The following BCHE variants were observed in gnomAD, a reference collection of about 807,000 sequenced individuals.
BCHE encodes the protein butyrylcholinesterase.
Under a neutral mutation model 51.3 loss-of-function variants are expected in BCHE, and 48 were observed. The ratio of observed to expected loss-of-function variants is 0.94; its 90% CI spans 0.74 to 1.19. The LOEUF is 1.19. Among genes scored for constraint, BCHE ranks in the 50% most tolerant of loss-of-function variants. The pLI, the probability that BCHE is intolerant of heterozygous loss-of-function variation, is 0.00. For missense variants in BCHE, 847 were observed against 708.2 expected, an observed-to-expected ratio of 1.20 and a Z score of -2.23; for synonymous variants, 251 against 238.0, an observed-to-expected ratio of 1.05 and a Z score of -0.50.
intron 1 of BCHE, among the ~76,000 whole-genome samples, chr3:165,833,537 GACC>G (rs1211618780): frequency 6.6e-6 from 1 of 152,080 alleles, no homozygotes; most frequent in Non-Finnish European, 1.5e-5. Flanking sequence ...AATTGTATAA[GACC>G]ACCATTATTG....
At chr3:165,806,020 C>T (rs1194673696) in intron 2 of BCHE, among the ~76,000 whole-genome samples, 3 of 152,114 alleles carry the variant, frequency 2.0e-5, no homozygotes, top group Admixed American at 1.3e-4. Flanking sequence ...TGGAACACGA[C>T]CATGTGTCTC....
intron 3 of BCHE, among the ~76,000 whole-genome samples, chr3:165,776,286 A>C (rs1712468197): frequency 6.6e-6 from 1 of 152,006 alleles, no homozygotes; most frequent in Non-Finnish European, 1.5e-5. Context: ...AACCTCAACC[A>C]AAATGCAGGC....
At chr3:165,778,483 A>G (rs887033197) in intron 3 of BCHE, 4 of 219,896 alleles carry the variant, frequency 1.8e-5, no homozygotes, top group Admixed American at 4.2e-5. Context: ...AAATTACTAA[A>G]TGGCTTTACT....
chr3:165,779,517 C>T (rs1406171606), intron 3 of BCHE, among the ~76,000 whole-genome samples: 1 of 151,948 alleles, frequency 6.6e-6, no homozygotes, highest in African/African-American at 2.4e-5. Context: ...TTTAGGAAAC[C>T]CCATCGTCTT....
chr3:165,825,813 G>C lies in BCHE; in HGVS notation c.1517+3704C>G, dbSNP rs915161653. Among the ~76,000 whole-genome samples the C allele has an allele frequency of 7.2e-5, 11 of 152,026 alleles. 1 individual carries two copies. The highest frequency in any genetic ancestry group is 7.2e-4 in the Admixed American group (11 of 15,232). ...TATAAGAATTCTTACAAGTCAATGA[G>C]AGATAAACCCAATAAAAATTGGCAA... On this transcript the variant is annotated intron_variant, in intron 2 of 3. Transcript: ENST00000264381.
intron 2 of BCHE, among the ~76,000 whole-genome samples, chr3:165,798,145 GT>G (rs1384577661): frequency 6.6e-6 from 1 of 152,092 alleles, no homozygotes; most frequent in Non-Finnish European, 1.5e-5. Context: ...TTTGGTAAAG[GT>G]TTTACCTGAG....
chr3:165,792,125 C>T (rs1467349363), intron 2 of BCHE, among the ~76,000 whole-genome samples: 2 of 152,034 alleles, frequency 1.3e-5, no homozygotes, highest in Non-Finnish European at 2.9e-5. Context: ...CCAGTTCTTA[C>T]TTAACATGCA....
At chr3:165,808,888 A>C (rs1160426446) in intron 2 of BCHE, among the ~76,000 whole-genome samples, 1 of 152,218 alleles carries the variant, frequency 6.6e-6, no homozygotes, top group African/African-American at 2.4e-5. Context: ...TATCTACAAA[A>C]CACGGGCATA....
At chr3:165,829,406 T>A in intron 2 of BCHE, 111 bp downstream of exon 2, 2 of 984,226 alleles carry the variant, frequency 2.0e-6, no homozygotes, top group South Asian at 2.7e-5. Context: ...ATAGAACAAA[T>A]AATTAAAACA....
At chr3:165,798,647 C>A (rs1317375927) in intron 2 of BCHE, among the ~76,000 whole-genome samples, 1 of 151,948 alleles carries the variant, frequency 6.6e-6, no homozygotes, top group Non-Finnish European at 1.5e-5. Flanking sequence ...AACTAAGTAC[C>A]TCAACATTAA....
In BCHE at chr3:165,786,144, C is replaced by T. The variant is rs1057516496; in HGVS notation, c.1684+1G>A. The T allele has an allele frequency of 3.1e-6, 5 of 1,610,910 alleles. No individual in the cohort carries two copies. The highest frequency in any genetic ancestry group is 1.3e-5 in the African/African-American group (1 of 74,760). The stretch of plus-strand genomic sequence containing the variant: ...TAACCAAACACTAAAAACAGACACA[C>T]CTGTCATTTCCAAGACTTTTGGAAA... On this transcript the variant is annotated splice_donor_variant, in intron 3 of 3. Coordinates refer to ENST00000264381, the MANE Select transcript of BCHE (RefSeq NM_000055.4). LOFTEE classifies it high-confidence loss of function.
At chr3:165,788,320 T>C (rs1343985725) in intron 2 of BCHE, among the ~76,000 whole-genome samples, 1 of 152,070 alleles carries the variant, frequency 6.6e-6, no homozygotes, top group Non-Finnish European at 1.5e-5. Context: ...ACAAACAGTT[T>C]CTTGATGTAC....
chr3:165,833,366 A>G (rs77764782), intron 1 of BCHE, among the ~76,000 whole-genome samples: 3,400 of 152,218 alleles, frequency 0.022, 77 homozygotes, highest in African/African-American at 0.054. Context: ...GCAAACTTAG[A>G]TGCCATAGCC....
chr3:165,793,498 G>C (rs1003310686), intron 2 of BCHE, among the ~76,000 whole-genome samples: 4 of 152,136 alleles, frequency 2.6e-5, no homozygotes, highest in African/African-American at 9.7e-5. Flanking sequence ...GCCTGAAATT[G>C]TGCCTGACTC....
chr3:165,790,639 T>G (rs1352186129), intron 2 of BCHE, among the ~76,000 whole-genome samples: 1 of 152,120 alleles, frequency 6.6e-6, no homozygotes. Context: ...TTGGACCAAT[T>G]TCGAAGACTG....
At chr3:165,778,352 C>T (rs1257069337) in intron 3 of BCHE, 1 of 156,612 alleles carries the variant, frequency 6.4e-6, no homozygotes, top group African/African-American at 2.4e-5. Flanking sequence ...ATGTTGATGC[C>T]ATATAATATT....
At chr3:165,820,475 A>G (rs1166155436) in intron 2 of BCHE, among the ~76,000 whole-genome samples, 1 of 152,018 alleles carries the variant, frequency 6.6e-6, no homozygotes, top group Non-Finnish European at 1.5e-5. Context: ...ATTTCTAAGG[A>G]GAAAAAAAGA....
intron 2 of BCHE, among the ~76,000 whole-genome samples, chr3:165,819,127 GGA>G (rs893647733): frequency 7.1e-5 from 10 of 141,294 alleles, no homozygotes; most frequent in South Asian, 2.2e-4. Flanking sequence ...TGCCCAGGCT[GGA>G]GTGCACTGGC....
intron 2 of BCHE, among the ~76,000 whole-genome samples, chr3:165,790,456 T>C (rs1208176488): frequency 6.6e-6 from 1 of 152,170 alleles, no homozygotes; most frequent in Non-Finnish European, 1.5e-5. Context: ...AATTTGTAAC[T>C]TTTTGCTATA....
Sources: gnomAD v4.1 joint callset for allele counts (sites outside exome capture counted in the v4.1 genomes callset) on GRCh38, gnomAD v4.1.1 for gene constraint, MANE v1.5 for transcripts, NCBI Gene and HGNC (gene_info 2026-07-23, HGNC 2026-07-21) for gene names.